KHDRBS3: variants seen among roughly 807,000 people sequenced by gnomAD.
The protein encoded by KHDRBS3 is KH RNA binding domain containing, signal transduction associated 3.
KHDRBS3 carries 23 observed loss-of-function variants against 45.6 expected under a neutral mutation model. That is an observed-to-expected ratio of 0.50 (90% CI 0.36 to 0.72). The LOEUF is 0.72. Ranked by LOEUF, KHDRBS3 falls within the 30% of genes least tolerant of loss-of-function variation. The pLI, the probability that KHDRBS3 is intolerant of heterozygous loss-of-function variation, is 0.00. For missense variants in KHDRBS3, 352 were observed against 424.8 expected (o/e 0.83, Z 1.51); for synonymous variants, 162 against 156.5 (o/e 1.04, Z -0.26).
At chr8:135,620,018 A>G (rs1254402156) in intron 7 of KHDRBS3, among the ~76,000 whole-genome samples, 3 of 151,986 alleles carry the variant, frequency 2.0e-5, no homozygotes, top group African/African-American at 7.3e-5. Context: ...AGTGGATTAA[A>G]TAATTGATAC....
At chr8:135,600,312 T>C (rs775839211) in intron 6 of KHDRBS3, among the ~76,000 whole-genome samples, 1 of 152,300 alleles carries the variant, frequency 6.6e-6, no homozygotes, top group South Asian at 2.1e-4. Flanking sequence ...GCATTAGAAA[T>C]CCAGGATCAG....
intron 1 of KHDRBS3, among the ~76,000 whole-genome samples, chr8:135,475,389 G>T (rs888242231): frequency 4.4e-5 from 5 of 113,812 alleles, no homozygotes; most frequent in African/African-American, 1.7e-4. Context: ...TCGGCTCACG[G>T]CAACTTCCAC....
At chr8:135,470,886 G>A (rs1821983230) in intron 1 of KHDRBS3, among the ~76,000 whole-genome samples, 1 of 152,118 alleles carries the variant, frequency 6.6e-6, no homozygotes. Flanking sequence ...CCGCCCAGCT[G>A]GGTTTTGCTT....
intron 6 of KHDRBS3, among the ~76,000 whole-genome samples, chr8:135,599,227 G>A (rs927155754): frequency 2.6e-5 from 4 of 152,192 alleles, no homozygotes; most frequent in East Asian, 1.9e-4. Context: ...CTGCCAGCTC[G>A]GTGCTGTTTC....
intron 1 of KHDRBS3, among the ~76,000 whole-genome samples, chr8:135,505,934 C>T (rs1823972972): frequency 6.6e-6 from 1 of 152,154 alleles, no homozygotes; most frequent in Non-Finnish European, 1.5e-5. Flanking sequence ...CCCTACCTCA[C>T]ATTCCCGATT....
In KHDRBS3 at chr8:135,565,483, T is replaced by A. The variant is rs577985860; in HGVS notation, c.611+7896T>A. Among the ~76,000 whole-genome samples, 507 of 152,326 alleles carry A rather than the reference T, an allele frequency of 3.3e-3. 8 individuals carry two copies. Among genetic ancestry groups the A allele is most frequent in the African/African-American group, 0.011 (460 of 41,574 alleles). On this transcript the variant is annotated intron_variant, in intron 5 of 8. Transcript: ENST00000355849. ...TCCAAACAGTGTTGCTTTTATTTAT[T>A]TTTTTAGACTGTTTAAGCAGATAGC...
intron 2 of KHDRBS3, among the ~76,000 whole-genome samples, chr8:135,525,764 A>ATTTACCATTGTGTGACAATTG (rs1281884834): frequency 6.6e-6 from 1 of 152,204 alleles, no homozygotes; most frequent in Non-Finnish European, 1.5e-5. Flanking sequence ...TGCTCTGTAT[A>ATTTACCATTGTGTGACAATTG]CTTAATATGC....
At chr8:135,615,080 A>C (rs1829862711) in intron 7 of KHDRBS3, among the ~76,000 whole-genome samples, 1 of 151,792 alleles carries the variant, frequency 6.6e-6, no homozygotes, top group Non-Finnish European at 1.5e-5. Flanking sequence ...ATGATGGAGG[A>C]TAAGGAACCT....
At chr8:135,485,386 G>A (rs983671133) in intron 1 of KHDRBS3, among the ~76,000 whole-genome samples, 1 of 151,886 alleles carries the variant, frequency 6.6e-6, no homozygotes, top group Non-Finnish European at 1.5e-5. Context: ...GTAAGAGTTT[G>A]CCAGGTATCT....
intron 1 of KHDRBS3, among the ~76,000 whole-genome samples, chr8:135,503,299 C>G (rs1054169443): frequency 6.6e-6 from 1 of 152,218 alleles, no homozygotes; most frequent in African/African-American, 2.4e-5. Flanking sequence ...TTTAGGGAAA[C>G]TGCTTTATCC....
chr8:135,558,778 ATT>A (rs11365631), intron 5 of KHDRBS3, among the ~76,000 whole-genome samples: 3 of 150,554 alleles, frequency 2.0e-5, no homozygotes, highest in East Asian at 1.9e-4. Context: ...ATTACCACAG[ATT>A]TTTTTTTTTG....
chr8:135,598,427 C>A (rs1403400820), intron 6 of KHDRBS3, among the ~76,000 whole-genome samples: 2 of 152,078 alleles, frequency 1.3e-5, no homozygotes, highest in African/African-American at 4.8e-5. Flanking sequence ...TAGTGACTTC[C>A]CCAAAGCCAC....
At position 135,596,946 on chromosome 8, in the gene KHDRBS3, G is replaced by A. The variant is rs532078901; in HGVS notation, c.808-10009G>A. ...AGAGGTTCCACATGGTCTCGTCCCT[G>A]CACCTCTCTCCCAGCTCACTTCACT... is the stretch of plus-strand genomic sequence containing the variant. On this transcript the variant is annotated intron_variant, in intron 6 of 8. Transcript: ENST00000355849. Among the ~76,000 whole-genome samples, 169 of 152,182 alleles carry A rather than the reference G, an allele frequency of 1.1e-3. 7 individuals are homozygous for A. In the South Asian group the frequency reaches 0.034, roughly 30 times the overall value.
rs1360158858 is a variant in KHDRBS3 at position 135,457,485 on chromosome 8, G to C, written c.-382G>C. The C allele has an allele frequency of 2.0e-5, 3 of 147,472 alleles. No individual in the cohort carries two copies. Among genetic ancestry groups the C allele is most frequent in the South Asian group, 3.8e-4 (2 of 5,234 alleles). The allele number at this position is 147,472 out of a possible 1,614,324, so 9.1% of individuals were successfully genotyped here. On this transcript the variant is annotated 5_prime_UTR_variant, in exon 1 of 9. Transcript: ENST00000355849. This position sits in a 1 kb window ranked among gnomAD's most constrained non-coding sequence, Gnocchi z 4.4. ...TGCGCGGGGCGGCGCGCGGCGTGCA[G>C]GTCGCAGCTGTGGCTCGGGTGCTGG...
intron 7 of KHDRBS3, among the ~76,000 whole-genome samples, chr8:135,614,435 T>C (rs1212275972): frequency 6.6e-6 from 1 of 151,870 alleles, no homozygotes; most frequent in Non-Finnish European, 1.5e-5. Context: ...TGATGTCTTA[T>C]TTACAATCCT....
chr8:135,582,180 G>A, intron 6 of KHDRBS3, 107 bp downstream of exon 6: 1 of 1,127,026 alleles, frequency 8.9e-7, no homozygotes, highest in Non-Finnish European at 1.2e-6. Context: ...TTTGGTTCTT[G>A]AGTATTCTAC....
At position 135,486,253 on chromosome 8, in the gene KHDRBS3, A is replaced by G. The variant is rs544820832; in HGVS notation, c.88+28299A>G. Among the ~76,000 whole-genome samples the G allele has an allele frequency of 1.2e-3, 180 of 152,314 alleles. 1 individual carries two copies. The highest frequency in any genetic ancestry group is 1.9e-3 in the Non-Finnish European group (126 of 68,022). ...TTTTTTTCTCTAGAATGGAAGCTCT[A>G]TGAAGGAAGGGTTTTTGTATTACTC... is the stretch of plus-strand genomic sequence containing the variant. On this transcript the variant is annotated intron_variant, in intron 1 of 8. Transcript: ENST00000355849.
chr8:135,502,252 C>T (rs1291520876), intron 1 of KHDRBS3, among the ~76,000 whole-genome samples: 1 of 152,128 alleles, frequency 6.6e-6, no homozygotes, highest in East Asian at 1.9e-4. Flanking sequence ...GTTAAAAGTC[C>T]TTCCCAATCT....
At chr8:135,465,721 CTGT>C (rs1821662582) in intron 1 of KHDRBS3, among the ~76,000 whole-genome samples, 1 of 152,216 alleles carries the variant, frequency 6.6e-6, no homozygotes, top group African/African-American at 2.4e-5. Context: ...AATTGGTAAG[CTGT>C]AAATTTCCAT....
Sources: allele counts gnomAD v4.1 joint callset (sites outside exome capture counted in the v4.1 genomes callset), GRCh38; gene constraint gnomAD v4.1.1; non-coding constraint Gnocchi (gnomAD v3.1); transcripts MANE v1.5; gene names NCBI Gene and HGNC (gene_info 2026-07-23, HGNC 2026-07-21).